The following RHEX variants were observed in gnomAD, a reference collection of about 807,000 sequenced individuals.
RHEX encodes regulator of hemoglobinization and erythroid cell expansion protein.
RHEX carries 18 observed loss-of-function variants against 20.1 expected under a neutral mutation model. That is an observed-to-expected ratio of 0.90 (90% confidence interval 0.62 to 1.33). RHEX has a LOEUF of 1.33. Ranked by LOEUF, RHEX falls within the 40% of genes most tolerant of loss-of-function variation. The pLI, the probability that RHEX is intolerant of heterozygous loss-of-function variation, is 0.00. For synonymous variants in RHEX, 87 were observed against 77.1 expected (o/e 1.13, Z -0.67); for missense variants, 192 against 214.3 (o/e 0.90, Z 0.65).
chr1:206,075,416 A>G (rs1313502882), intron 1 of RHEX, among the ~76,000 whole-genome samples: 1 of 152,220 alleles, frequency 6.6e-6, no homozygotes, highest in Non-Finnish European at 1.5e-5. Flanking sequence ...ACACAGATCT[A>G]TGATGATGGA....
intron 1 of RHEX, among the ~76,000 whole-genome samples, chr1:206,096,681 T>C (rs150537527): frequency 0.01 from 1,563 of 152,360 alleles, 16 homozygotes; most frequent in South Asian, 0.028. Context: ...ATCCCTGTCT[T>C]GCTTTATTGC....
chr1:206,101,051 G>C (rs782686427), intron 4 of RHEX, 85 bp from the exon 5 acceptor site: 25 of 1,082,814 alleles, frequency 2.3e-5, no homozygotes, highest in Non-Finnish European at 3.4e-5. Flanking sequence ...CTGATAATAA[G>C]ACAATTCTCC....
chr1:206,102,144 C>CA lies in RHEX; in HGVS notation c.*198dup. 8.2e-6 allele frequency: 5 copies of CA among 606,420 alleles called. No individual in the cohort carries two copies. The East Asian group carries it at 1.1e-4, about 13-fold the overall frequency. The allele number at this position is 606,420 out of a possible 1,614,324, so 37.6% of individuals were successfully genotyped here. A position where few individuals can be genotyped will look rare whatever the true frequency, so the allele number is the denominator to read the frequency against. The stretch of plus-strand genomic sequence containing the variant: ...GACCCATGGACTCCTGGTCTGTACC[C>CA]AAAAAAGCTGTTCGTTCCTCAAAAA... On this transcript the variant is annotated 3_prime_UTR_variant, in exon 6 of 6. Coordinates refer to ENST00000331555, the MANE Select transcript of RHEX (RefSeq NM_001007544.4).
At position 206,085,422 on chromosome 1, in the gene RHEX, C is replaced by T. The variant is rs1571867117; in HGVS notation, c.-96-12311C>T. ...CAATCGATGAAACAGAATAATTTGA[C>T]CCCTTCTAATTCATCTGGAGCTTTG... On this transcript the variant is annotated intron_variant, in intron 1 of 5. Transcript: ENST00000331555. Among the ~76,000 whole-genome samples the T allele has an allele frequency of 3.3e-5, 5 of 152,276 alleles. No homozygotes were observed. In the South Asian group the frequency reaches 1.0e-3, roughly 32 times the overall value.
chr1:206,091,720 T>G lies in RHEX; in HGVS notation c.-96-6013T>G, dbSNP rs1382147528. 2.6e-5 allele frequency among the ~76,000 whole-genome samples: 4 copies of G among 152,216 alleles called. No individual in the cohort carries two copies. In the South Asian group the frequency reaches 8.3e-4, roughly 31 times the overall value. ...AGCCTTAGTTTCCTCATCTATGAAG[T>G]AGTGGTAATGTCTATTTTTGTAGAG... On this transcript the variant is annotated intron_variant, in intron 1 of 5. Coordinates refer to ENST00000331555, the MANE Select transcript of RHEX (RefSeq NM_001007544.4).
intron 1 of RHEX, among the ~76,000 whole-genome samples, chr1:206,058,651 T>C (rs1360376949): frequency 1.3e-5 from 2 of 152,220 alleles, no homozygotes; most frequent in African/African-American, 2.4e-5. Context: ...TAGAAGAACA[T>C]TGTGAAACTC....
intron 1 of RHEX, among the ~76,000 whole-genome samples, chr1:206,064,418 G>A (rs1571854692): frequency 1.8e-5 from 2 of 112,108 alleles, no homozygotes. Flanking sequence ...CCGGCCAGCC[G>A]CCCCGTCCGG....
In RHEX at chr1:206,102,269, G is replaced by GC; in HGVS notation, c.*317_*318insC. The GC allele has an allele frequency of 1.1e-5, 4 of 364,728 alleles. No homozygotes were observed. The highest frequency in any genetic ancestry group is 6.7e-5 in the South Asian group (2 of 30,010). 22.6% of individuals were successfully genotyped at this position (364,728 alleles called of 1,614,324 possible). ...TTTCAGGTAAAGTATGAGAACTATGGAGTCCATCAGCAGAGATAGTAGTGA... is the reference window on the plus strand; with the variant it reads ...TTTCAGGTAAAGTATGAGAACTATGGCAGTCCATCAGCAGAGATAGTAGTGA... On this transcript the variant is annotated 3_prime_UTR_variant, in exon 6 of 6. Coordinates refer to ENST00000331555, the MANE Select transcript of RHEX (RefSeq NM_001007544.4).
At chr1:206,078,781 G>T (rs1662681862) in intron 1 of RHEX, among the ~76,000 whole-genome samples, 1 of 152,068 alleles carries the variant, frequency 6.6e-6, no homozygotes, top group Non-Finnish European at 1.5e-5. Context: ...TGGTAGAGGT[G>T]CCTGGGGGGG....
intron 1 of RHEX, among the ~76,000 whole-genome samples, chr1:206,054,591 G>T (rs2102300559): frequency 6.6e-6 from 1 of 152,326 alleles, no homozygotes; most frequent in South Asian, 2.1e-4. Flanking sequence ...CTGTGAACTG[G>T]ACATTAAAGT....
At chr1:206,082,026 A>G (rs1348348771) in intron 1 of RHEX, among the ~76,000 whole-genome samples, 6 of 152,186 alleles carry the variant, frequency 3.9e-5, no homozygotes, top group Admixed American at 2.0e-4. Flanking sequence ...ATCACTCCAC[A>G]TGGCTCCCAG....
At chr1:206,089,289 C>T (rs373875810) in intron 1 of RHEX, among the ~76,000 whole-genome samples, 4 of 151,934 alleles carry the variant, frequency 2.6e-5, no homozygotes, top group East Asian at 1.9e-4. Context: ...GCGATCCTCC[C>T]ACCTTTGCCT....
chr1:206,090,133 C>T (rs1479181858), intron 1 of RHEX, among the ~76,000 whole-genome samples: 3 of 150,356 alleles, frequency 2.0e-5, no homozygotes, highest in African/African-American at 7.3e-5. Flanking sequence ...CATATTTTTT[C>T]AAGTCTACAC....
At chr1:206,101,343 G>T in intron 5 of RHEX, 146 bp downstream of exon 5, 4 of 663,734 alleles carry the variant, frequency 6.0e-6, no homozygotes, top group Non-Finnish European at 1.0e-5. Context: ...CTCAGGTGAG[G>T]GGGGGTCAGG....
intron 1 of RHEX, among the ~76,000 whole-genome samples, chr1:206,097,223 C>T (rs951554265): frequency 1.3e-5 from 2 of 152,134 alleles, no homozygotes; most frequent in Non-Finnish European, 2.9e-5. Context: ...GGGTCAGTCC[C>T]CAGGGTCCCT....
chr1:206,098,506 A>C, intron 3 of RHEX: 2 of 260,428 alleles, frequency 7.7e-6, no homozygotes, highest in Non-Finnish European at 1.5e-5. Flanking sequence ...AATTTTCTTC[A>C]TCCCTGTTAA....
At chr1:206,080,399 C>G (rs1553285712) in intron 1 of RHEX, 2 of 152,138 alleles carry the variant, frequency 1.3e-5, no homozygotes, top group African/African-American at 4.8e-5. Flanking sequence ...AAACAGTTAT[C>G]CTACAGAGAG....
chr1:206,093,396 G>A (rs1235062145), intron 1 of RHEX, among the ~76,000 whole-genome samples: 1 of 151,530 alleles, frequency 6.6e-6, no homozygotes, highest in Non-Finnish European at 1.5e-5. Flanking sequence ...TCAACCTCTC[G>A]AGTAGCTAGG....
intron 1 of RHEX, among the ~76,000 whole-genome samples, chr1:206,064,190 GC>G (rs1662367102): frequency 7.0e-6 from 1 of 142,920 alleles, no homozygotes; most frequent in Non-Finnish European, 1.5e-5. Flanking sequence ...GAGCCTCTCC[GC>G]CCGGCAGCCG....
Sources: gnomAD v4.1 joint callset for allele counts (sites outside exome capture counted in the v4.1 genomes callset) on GRCh38, gnomAD v4.1.1 for gene constraint, MANE v1.5 for transcripts, NCBI Gene and HGNC (gene_info 2026-07-23, HGNC 2026-07-21) for gene names.